Variants in XKR4 observed in about 807,000 individuals in gnomAD.
XKR4 encodes XK-related protein 4.
XKR4 carries 12 observed loss-of-function variants against 53.9 expected under a neutral mutation model. The ratio of observed to expected loss-of-function variants is 0.22; its 90% CI spans 0.14 to 0.36. The LOEUF (loss-of-function observed/expected upper bound fraction) is 0.36. XKR4 is among the 10% of genes least tolerant of loss of function. XKR4 has a pLI of 1.00. For synonymous variants in XKR4, 354 were observed against 362.4 expected (o/e 0.98, Z 0.26); for missense variants, 799 against 859.5 (o/e 0.93, Z 0.88).
chr8:55,213,811 G>A (rs567021414), intron 1 of XKR4, among the ~76,000 whole-genome samples: 2 of 147,738 alleles, frequency 1.4e-5, no homozygotes, highest in African/African-American at 5.0e-5. Context: ...AGTTTCAATA[G>A]AGTCAATAAC....
intron 1 of XKR4, among the ~76,000 whole-genome samples, chr8:55,297,308 C>T (rs1247899472): frequency 2.0e-5 from 3 of 152,108 alleles, no homozygotes; most frequent in Non-Finnish European, 2.9e-5. Flanking sequence ...AGGTCCAATA[C>T]GAGGTTAAAT....
chr8:55,163,155 C>G (rs983978525), intron 1 of XKR4, among the ~76,000 whole-genome samples: 1 of 152,206 alleles, frequency 6.6e-6, no homozygotes, highest in Admixed American at 6.5e-5. Context: ...CTGTTACATA[C>G]ACATACCTGC....
At chr8:55,273,068 G>T (rs1319144563) in intron 1 of XKR4, among the ~76,000 whole-genome samples, 1 of 152,024 alleles carries the variant, frequency 6.6e-6, no homozygotes, top group Non-Finnish European at 1.5e-5. Flanking sequence ...TACAAGATCT[G>T]TTAGCTTCAT....
rs185565906 is a variant in XKR4 at position 55,487,986 on chromosome 8, T to C, written c.1007-35295T>C. On this transcript the variant is annotated intron_variant, in intron 2 of 2. Transcript: ENST00000327381. Reference sequence around the variant, plus strand: ...ACTCTGCTTTCAGGATTTCCAACTCTGGAATTTTAATCATTCAGGATTGTA... The same window carrying C: ...ACTCTGCTTTCAGGATTTCCAACTCCGGAATTTTAATCATTCAGGATTGTA... 2.0e-5 allele frequency among the ~76,000 whole-genome samples: 3 copies of C among 152,368 alleles called. No individual in the cohort carries two copies. In the East Asian group the frequency reaches 5.8e-4, roughly 29 times the overall value.
At chr8:55,426,082 G>A (rs1805009193) in intron 2 of XKR4, among the ~76,000 whole-genome samples, 1 of 152,142 alleles carries the variant, frequency 6.6e-6, no homozygotes, top group Non-Finnish European at 1.5e-5. Context: ...TGGGTGACTG[G>A]AGCTATCTCT....
intron 1 of XKR4, among the ~76,000 whole-genome samples, chr8:55,236,686 C>A (rs7823748): frequency 0.33 from 50,195 of 152,026 alleles, 10,043 homozygotes; most frequent in Non-Finnish European, 0.44. Flanking sequence ...CATCTCTCGC[C>A]CCAGCTCCTC....
rs532014576 is a variant in XKR4 at position 55,104,971 on chromosome 8, A to G, written c.806+1677A>G. ...TTTGGTAAATTAAGCTTAACATTCC[A>G]TTTGTTAACTTTTTCAAACTTTATC... is the stretch of plus-strand genomic sequence containing the variant. On this transcript the variant is annotated intron_variant, in intron 1 of 2. Coordinates refer to ENST00000327381, the MANE Select transcript of XKR4 (RefSeq NM_052898.2). Among the ~76,000 whole-genome samples, 34 of 152,252 alleles carry G rather than the reference A, an allele frequency of 2.2e-4. No individual in the cohort carries two copies. In the South Asian group the frequency reaches 4.3e-3, roughly 19 times the overall value.
At chr8:55,357,946 G>A (rs1037347548) in intron 2 of XKR4, 69 bp downstream of exon 2, 1 of 1,498,392 alleles carries the variant, frequency 6.7e-7, no homozygotes, top group African/African-American at 1.4e-5. Context: ...ACAATCCGAG[G>A]AACTGTCCTA....
chr8:55,322,275 G>A (rs1420871590), intron 1 of XKR4, among the ~76,000 whole-genome samples: 1 of 151,998 alleles, frequency 6.6e-6, no homozygotes, highest in East Asian at 1.9e-4. Flanking sequence ...TCTCATTCAC[G>A]TTCTTATTTA....
At chr8:55,464,787 G>A (rs1488415639) in intron 2 of XKR4, among the ~76,000 whole-genome samples, 1 of 152,122 alleles carries the variant, frequency 6.6e-6, no homozygotes, top group Non-Finnish European at 1.5e-5. Flanking sequence ...CTTCAGCAAA[G>A]TCTCAGGATA....
In XKR4 at chr8:55,156,143, C is replaced by T. The variant is rs559142084; in HGVS notation, c.806+52849C>T. ...TGTTGATGGGAACTGGGAAGTGTGA[C>T]TGTGGGAGAGGAGCTTCCGCAGGGA... On this transcript the variant is annotated intron_variant, in intron 1 of 2. Coordinates refer to ENST00000327381, the MANE Select transcript of XKR4 (RefSeq NM_052898.2). Among the ~76,000 whole-genome samples, 4 of 151,860 alleles carry T rather than the reference C, an allele frequency of 2.6e-5. No homozygotes were observed. In the East Asian group the frequency reaches 7.8e-4, roughly 29 times the overall value.
At chr8:55,103,786 T>C (rs866524521) in intron 1 of XKR4, among the ~76,000 whole-genome samples, 1 of 149,350 alleles carries the variant, frequency 6.7e-6, no homozygotes, top group South Asian at 2.1e-4. Context: ...AGTACCCACA[T>C]ATTAATGATC....
At chr8:55,361,365 G>A (rs1359553426) in intron 2 of XKR4, among the ~76,000 whole-genome samples, 1 of 152,148 alleles carries the variant, frequency 6.6e-6, no homozygotes, top group Non-Finnish European at 1.5e-5. Flanking sequence ...CGCGGAGATG[G>A]ACCATGGCAT....
rs927376858 is a variant in XKR4 at position 55,523,932 on chromosome 8, G to T, written c.1658G>T (p.Arg553Leu). ...TSTLRSISNNRSVVSDRDQKF... is the reference protein window; with the variant it reads ...TSTLRSISNNLSVVSDRDQKF... ...ACCCTACGGTCCATCTCCAACAACC[G>T]CAGTGTTGTCAGCGACCGCGATCAG... The change falls in exon 3 of 3, where the codon CGC becomes CTC. Residue 553 changes from arginine (R) to leucine (L), a missense_variant. Coordinates refer to ENST00000327381, the MANE Select transcript of XKR4 (RefSeq NM_052898.2). 1.2e-6 allele frequency: 2 copies of T among 1,614,134 alleles called. No individual in the cohort carries two copies. Among genetic ancestry groups the T allele is most frequent in the East Asian group, 2.2e-5 (1 of 44,874 alleles).
At chr8:55,226,373 G>A (rs1055617009) in intron 1 of XKR4, among the ~76,000 whole-genome samples, 16 of 152,144 alleles carry the variant, frequency 1.1e-4, no homozygotes, top group Non-Finnish European at 1.8e-4. Context: ...GGCTGAAGGA[G>A]AAACTTTGCT....
chr8:55,277,221 A>G (rs549705304), intron 1 of XKR4, among the ~76,000 whole-genome samples: 1 of 152,318 alleles, frequency 6.6e-6, no homozygotes, highest in African/African-American at 2.4e-5. Flanking sequence ...AGCTATCATG[A>G]TATGTTCACC....
chr8:55,311,759 T>C (rs939714054), intron 1 of XKR4, among the ~76,000 whole-genome samples: 1 of 150,154 alleles, frequency 6.7e-6, no homozygotes, highest in Non-Finnish European at 1.5e-5. Context: ...TTTTATTTCC[T>C]TTGCATGCTG....
chr8:55,403,003 G>A (rs766696762), intron 2 of XKR4, among the ~76,000 whole-genome samples: 30 of 152,110 alleles, frequency 2.0e-4, no homozygotes, highest in Non-Finnish European at 1.6e-4. Context: ...GCTGGGGTTT[G>A]GTTCCCATCC....
chr8:55,291,924 T>C (rs1018259413), intron 1 of XKR4, among the ~76,000 whole-genome samples: 1 of 152,150 alleles, frequency 6.6e-6, no homozygotes, highest in Non-Finnish European at 1.5e-5. Flanking sequence ...AAATGCTTTT[T>C]ATGAATAATT....
Sources: allele counts gnomAD v4.1 joint callset (sites outside exome capture counted in the v4.1 genomes callset), GRCh38; gene constraint gnomAD v4.1.1; transcripts MANE v1.5; gene names NCBI Gene and HGNC (gene_info 2026-07-23, HGNC 2026-07-21).